The following CLGN variants were observed in gnomAD, a reference collection of about 807,000 sequenced individuals.
The protein encoded by CLGN is calmegin.
In CLGN, 62 loss-of-function variants were observed where a neutral mutation model predicts 79.1. That is an observed-to-expected ratio of 0.78 (90% CI 0.64 to 0.97). The LOEUF (loss-of-function observed/expected upper bound fraction) is 0.97. Among genes scored for constraint, CLGN ranks in the 50% least tolerant of loss-of-function variants. The probability of loss-of-function intolerance (pLI) is 0.00; values close to 1 mark genes in which losing one functional copy is unlikely to be tolerated. For synonymous variants in CLGN, 225 were observed against 224.7 expected, an observed-to-expected ratio of 1.00 and a Z score of -0.01; for missense variants, 647 against 715.5, an observed-to-expected ratio of 0.90 and a Z score of 1.09.
chr4:140,418,745 A>G (rs1037172947), intron 1 of CLGN, among the ~76,000 whole-genome samples: 81 of 149,880 alleles, frequency 5.4e-4, no homozygotes, highest in African/African-American at 1.9e-3. Flanking sequence ...ACACTTTTAC[A>G]CTGTTGGTGG....
At chr4:140,408,685 A>T (rs1729152802) in intron 4 of CLGN, among the ~76,000 whole-genome samples, 1 of 151,866 alleles carries the variant, frequency 6.6e-6, no homozygotes, top group Non-Finnish European at 1.5e-5. Flanking sequence ...ATTGGCATGG[A>T]TGTGGTAAAA....
chr4:140,417,838 T>C (rs1187728589), intron 1 of CLGN, among the ~76,000 whole-genome samples: 2 of 149,472 alleles, frequency 1.3e-5, no homozygotes, highest in South Asian at 2.1e-4. Context: ...CTTCACAGAA[T>C]TGGAAAAAAC....
At position 140,398,940 on chromosome 4, in the gene CLGN, T is replaced by C. The variant is rs111421033; in HGVS notation, c.795A>G (p.Lys265=). 52 of 1,613,948 alleles carry C rather than the reference T, an allele frequency of 3.2e-5. No individual in the cohort carries two copies. In the African/African-American group the frequency reaches 5.7e-4, roughly 18 times the overall value. The change falls in exon 8 of 15, where the codon AAA becomes AAG. Residue 265 remains lysine (K), a synonymous_variant. Coordinates refer to ENST00000325617, the MANE Select transcript of CLGN (RefSeq NM_004362.3). ...TTTTATCATTGGGATCTTCAATTTC[T>C]TTGGGAGGTTTGATAGGAGGAACCA... ...EDVVPPIKPP[K]EIEDPNDKKP... is the part of the protein sequence containing the mutation.
In CLGN at chr4:140,395,382, G is replaced by A. The variant is rs774945440; in HGVS notation, c.1149+437C>T. Among the ~76,000 whole-genome samples the A allele has an allele frequency of 4.6e-5, 7 of 152,026 alleles. No homozygotes were observed. In the South Asian group the frequency reaches 6.2e-4, roughly 14 times the overall value. ...AGGGTGGTCTCCATCTCCTGACCTC[G>A]TGATCCGCCCGCCTTGGACTCCCAA... On this transcript the variant is annotated intron_variant, in intron 10 of 14. Coordinates refer to ENST00000325617, the MANE Select transcript of CLGN (RefSeq NM_004362.3).
chr4:140,389,801 G>T (rs1326879225), intron 14 of CLGN, among the ~76,000 whole-genome samples: 1 of 151,742 alleles, frequency 6.6e-6, no homozygotes, highest in African/African-American at 2.4e-5. Flanking sequence ...CATTAGGAAA[G>T]ACTTAACAAT....
chr4:140,418,972 G>A (rs1729404075), intron 1 of CLGN, among the ~76,000 whole-genome samples: 1 of 152,180 alleles, frequency 6.6e-6, no homozygotes, highest in African/African-American at 2.4e-5. Flanking sequence ...AACAATGATA[G>A]AATGGATTAA....
chr4:140,403,686 C>T (rs1020125435), intron 5 of CLGN, among the ~76,000 whole-genome samples: 4 of 152,176 alleles, frequency 2.6e-5, no homozygotes, highest in Admixed American at 2.6e-4. Flanking sequence ...AATGTGAACA[C>T]AGTTTCATTG....
rs1209739879 is a variant in CLGN at position 140,405,923 on chromosome 4, A to G, written c.419+19T>C. On this transcript the variant is annotated intron_variant, in intron 5 of 14. Coordinates refer to ENST00000325617, the MANE Select transcript of CLGN (RefSeq NM_004362.3). ...ATACAAAATTCAGAAAAAGTATTCA[A>G]AAACATAGCAACACTTACTGAACTA... 1.3e-6 allele frequency: 2 copies of G among 1,586,320 alleles called. No homozygotes were observed. The highest frequency in any genetic ancestry group is 1.4e-5 in the African/African-American group (1 of 73,356).
rs1728795508 is a variant in CLGN at position 140,392,615 on chromosome 4, T to C, written c.1462A>G (p.Thr488Ala). The change falls in exon 12 of 15, where the codon ACT becomes GCT. Residue 488 changes from threonine (T) to alanine (A), a missense_variant. Thr to Ala is a moderately conservative substitution (Grantham distance 58, BLOSUM62 0). Transcript: ENST00000325617. ...ACTTTTCTTGGCCAACAAAATGAAG[T>C]AATTAATGCTATTGGCACTCCTGCT... ...VTAGVPIALI[T>A]SFCWPRKVKK... 6.2e-7 allele frequency: 1 copy of C among 1,601,432 alleles called. No homozygotes were observed. The highest frequency in any genetic ancestry group is 8.5e-7 in the Non-Finnish European group (1 of 1,176,458).
chr4:140,423,103 C>T (rs565344603), intron 1 of CLGN, among the ~76,000 whole-genome samples: 18 of 152,184 alleles, frequency 1.2e-4, no homozygotes, highest in Middle Eastern at 3.4e-3. Flanking sequence ...AGCAGGCATC[C>T]TTGTCTTATT....
intron 10 of CLGN, among the ~76,000 whole-genome samples, chr4:140,394,943 A>T (rs1475139621): frequency 2.6e-5 from 4 of 152,066 alleles, no homozygotes; most frequent in Non-Finnish European, 4.4e-5. Context: ...GCACTTTGGG[A>T]GGCCAAGGTG....
At chr4:140,409,257 A>C (rs1729167899) in intron 4 of CLGN, among the ~76,000 whole-genome samples, 1 of 152,030 alleles carries the variant, frequency 6.6e-6, no homozygotes, top group South Asian at 2.1e-4. Context: ...TTAGACCACA[A>C]AGAAGAAAAT....
intron 1 of CLGN, among the ~76,000 whole-genome samples, chr4:140,423,340 C>T (rs1290226432): frequency 6.6e-6 from 1 of 152,142 alleles, no homozygotes; most frequent in Non-Finnish European, 1.5e-5. Flanking sequence ...GCATGGTACA[C>T]TGATTTTCTT....
At chr4:140,399,082 A>T in intron 7 of CLGN, 42 bp from the exon 8 acceptor site, 1 of 1,494,154 alleles carries the variant, frequency 6.7e-7, no homozygotes, top group Non-Finnish European at 9.1e-7. Context: ...TCATTTTGAT[A>T]TACGCTTTAA....
At chr4:140,390,146 G>C (rs1019958136) in intron 14 of CLGN, among the ~76,000 whole-genome samples, 2 of 151,726 alleles carry the variant, frequency 1.3e-5, no homozygotes, top group Non-Finnish European at 3.0e-5. Context: ...GACTAATAAG[G>C]GGGGAGAAAA....
At position 140,392,657 on chromosome 4, in the gene CLGN, A is replaced by G. The variant is rs778104998; in HGVS notation, c.1420T>C (p.Leu474=). 1.9e-6 allele frequency: 3 copies of G among 1,611,256 alleles called. No individual in the cohort carries two copies. The highest frequency in any genetic ancestry group is 3.4e-5 in the Admixed American group (2 of 59,396). The change falls in exon 12 of 15, where the codon TTG becomes CTG. Residue 474 remains leucine (L), a synonymous_variant. Transcript: ENST00000325617. The part of the protein sequence containing the change: ...AAAEGHPWLW[L]IYLVTAGVPI... Reference sequence around the variant, plus strand: ...ACTCCTGCTGTCACAAGATAAATCAACCAAAGCCATGGGTGCCCTTCAGCA... The same window carrying G: ...ACTCCTGCTGTCACAAGATAAATCAGCCAAAGCCATGGGTGCCCTTCAGCA...
intron 6 of CLGN, 139 bp downstream of exon 6, chr4:140,401,846 T>C: frequency 5.6e-6 from 3 of 540,294 alleles, no homozygotes; most frequent in South Asian, 3.0e-5. Flanking sequence ...TTGTAAGAGC[T>C]ATGTAAATTC....
intron 8 of CLGN, among the ~76,000 whole-genome samples, chr4:140,396,874 CAT>C (rs759900454): frequency 3.2e-4 from 35 of 109,538 alleles, no homozygotes; most frequent in Admixed American, 6.3e-4. Context: ...TATATATATA[CAT>C]ATATATATAT....
In CLGN at chr4:140,392,237, C is replaced by T; in HGVS notation, c.1633G>A (p.Gly545Ser). The part of the protein sequence containing the change: ...DLEEEKKQND[G>S]EMLEKEEESE... ...ATCTTACCTTTTTCAAGCATTTCACCATCATTTTGCTTTTTTTCCTCTTCC... is the reference window on the plus strand; with the variant it reads ...ATCTTACCTTTTTCAAGCATTTCACTATCATTTTGCTTTTTTTCCTCTTCC... The change falls in exon 13 of 15, where the codon GGT becomes AGT. Residue 545 changes from glycine to serine, a missense_variant. Coordinates refer to ENST00000325617, the MANE Select transcript of CLGN (RefSeq NM_004362.3). The T allele has an allele frequency of 6.2e-7, 1 of 1,612,276 alleles. No homozygotes were observed. Among genetic ancestry groups the T allele is most frequent in the Non-Finnish European group, 8.5e-7 (1 of 1,179,278 alleles).
Sources: gnomAD v4.1 joint callset for allele counts (sites outside exome capture counted in the v4.1 genomes callset) on GRCh38, gnomAD v4.1.1 for gene constraint, MANE v1.5 for transcripts, NCBI Gene and HGNC (gene_info 2026-07-23, HGNC 2026-07-21) for gene names.